The following GPC6 variants were observed in gnomAD, a reference collection of about 807,000 sequenced individuals.
GPC6 encodes the protein glypican 6, also known as glypican-6.
GPC6 carries 14 observed loss-of-function variants against 55.2 expected under a neutral mutation model. That is an observed-to-expected ratio of 0.25 (90% confidence interval 0.17 to 0.40). GPC6 has a LOEUF of 0.40. GPC6 is among the 10% of genes least tolerant of loss of function. GPC6 has a pLI of 1.00. For synonymous variants in GPC6, 278 were observed against 259.6 expected (o/e 1.07, Z -0.68); for missense variants, 641 against 708.5 (o/e 0.90, Z 1.08).
chr13:93,376,530 G>A (rs911260555), intron 1 of GPC6, among the ~76,000 whole-genome samples: 4 of 152,106 alleles, frequency 2.6e-5, no homozygotes, highest in South Asian at 2.1e-4. Flanking sequence ...CCTCTGTTTC[G>A]CTTTGGCTGT....
intron 3 of GPC6, among the ~76,000 whole-genome samples, chr13:93,874,935 C>T (rs1459713329): frequency 6.6e-6 from 1 of 151,980 alleles, no homozygotes; most frequent in Non-Finnish European, 1.5e-5. Flanking sequence ...ACTTCACTCC[C>T]TCTATCCTGA....
rs1876112810 is a variant in GPC6 at position 94,309,247 on chromosome 13, A to G, written c.1152+3124A>G. Among the ~76,000 whole-genome samples the G allele has an allele frequency of 2.6e-5, 4 of 152,318 alleles. No homozygotes were observed. The South Asian group carries it at 8.3e-4, about 32-fold the overall frequency. ...CAATCACCCCACCCCTTTTGCCAAA[A>G]TGAAAATAACTATAAAGCACTTGGA... is the stretch of plus-strand genomic sequence containing the variant. On this transcript the variant is annotated intron_variant, in intron 6 of 8. Coordinates refer to ENST00000377047, the MANE Select transcript of GPC6 (RefSeq NM_005708.5).
intron 1 of GPC6, among the ~76,000 whole-genome samples, chr13:93,345,745 C>T (rs778689990): frequency 6.6e-6 from 1 of 152,090 alleles, no homozygotes; most frequent in Non-Finnish European, 1.5e-5. Context: ...CACCACAAAA[C>T]TTTTAAAGAT....
At chr13:94,001,084 A>G (rs1881778525) in intron 3 of GPC6, among the ~76,000 whole-genome samples, 1 of 152,158 alleles carries the variant, frequency 6.6e-6, no homozygotes, top group Admixed American at 6.5e-5. Flanking sequence ...AAAATAGAGT[A>G]ATTGATTTAG....
intron 6 of GPC6, among the ~76,000 whole-genome samples, chr13:94,346,691 G>A (rs937931507): frequency 7.3e-5 from 11 of 149,966 alleles, no homozygotes; most frequent in Non-Finnish European, 1.3e-4. Flanking sequence ...ACTGCACTCC[G>A]GCCCGGGCAA....
intron 2 of GPC6, among the ~76,000 whole-genome samples, chr13:93,777,280 A>C (rs1400454073): frequency 6.6e-6 from 1 of 152,070 alleles, no homozygotes. Flanking sequence ...CTGTGTTCTT[A>C]TCTCTTCTAT....
intron 4 of GPC6, among the ~76,000 whole-genome samples, chr13:94,162,206 A>G (rs1361428496): frequency 1.3e-5 from 2 of 152,134 alleles, no homozygotes; most frequent in Non-Finnish European, 2.9e-5. Flanking sequence ...GTGAAGCTGG[A>G]TTCAGTGGCT....
intron 4 of GPC6, among the ~76,000 whole-genome samples, chr13:94,138,173 T>C (rs954837958): frequency 6.6e-6 from 1 of 152,184 alleles, no homozygotes; most frequent in Non-Finnish European, 1.5e-5. Context: ...TATTGGAGCA[T>C]TTTGGATTTC....
At chr13:93,369,221 T>C (rs1881366880) in intron 1 of GPC6, among the ~76,000 whole-genome samples, 1 of 152,084 alleles carries the variant, frequency 6.6e-6, no homozygotes, top group Non-Finnish European at 1.5e-5. Flanking sequence ...TATATATTAA[T>C]ATATTGATGA....
intron 2 of GPC6, among the ~76,000 whole-genome samples, chr13:93,643,603 C>G (rs947986223): frequency 6.6e-6 from 1 of 152,092 alleles, no homozygotes; most frequent in African/African-American, 2.4e-5. Flanking sequence ...AGCTCCCCAT[C>G]TCTAGTGACA....
intron 2 of GPC6, among the ~76,000 whole-genome samples, chr13:93,696,217 A>C (rs1207896622): frequency 6.6e-6 from 1 of 152,158 alleles, no homozygotes; most frequent in African/African-American, 2.4e-5. Context: ...AATTGTGGTA[A>C]ATGTGCTTGA....
intron 4 of GPC6, among the ~76,000 whole-genome samples, chr13:94,138,410 C>A (rs913066357): frequency 6.6e-6 from 1 of 152,146 alleles, no homozygotes; most frequent in African/African-American, 2.4e-5. Context: ...AACTTCCATT[C>A]CTGTAATCGT....
chr13:94,146,826 G>T (rs1441591966), intron 4 of GPC6, among the ~76,000 whole-genome samples: 1 of 152,144 alleles, frequency 6.6e-6, no homozygotes, highest in East Asian at 1.9e-4. Context: ...ATAACTTGGG[G>T]ATAAAATGAG....
At chr13:94,217,135 T>C in intron 4 of GPC6, among the ~76,000 whole-genome samples, 1 of 152,202 alleles carries the variant, frequency 6.6e-6, no homozygotes, top group East Asian at 1.9e-4. Context: ...AATTTTTCTA[T>C]TGAATGCAGT....
chr13:93,921,308 G>T (rs1877557297), intron 3 of GPC6, among the ~76,000 whole-genome samples: 1 of 152,180 alleles, frequency 6.6e-6, no homozygotes, highest in African/African-American at 2.4e-5. Flanking sequence ...TGAAGCCCCA[G>T]TGGGCATCTT....
chr13:94,184,174 G>C (rs1889093358), intron 4 of GPC6, among the ~76,000 whole-genome samples: 1 of 152,144 alleles, frequency 6.6e-6, no homozygotes, highest in African/African-American at 2.4e-5. Flanking sequence ...TCTAAAAATC[G>C]TAGAAGAAAA....
chr13:94,284,148 G>A (rs1223630444), intron 4 of GPC6, among the ~76,000 whole-genome samples: 2 of 152,130 alleles, frequency 1.3e-5, no homozygotes, highest in South Asian at 2.1e-4. Flanking sequence ...ATAGATGCAC[G>A]TGGCTGCTCA....
intron 3 of GPC6, among the ~76,000 whole-genome samples, chr13:94,012,916 A>T (rs1882304157): frequency 6.6e-6 from 1 of 152,204 alleles, no homozygotes; most frequent in African/African-American, 2.4e-5. Context: ...ATGAAGTAGT[A>T]TTTAAGCTGT....
intron 1 of GPC6, among the ~76,000 whole-genome samples, chr13:93,234,875 C>T (rs933609356): frequency 1.4e-4 from 21 of 152,104 alleles, no homozygotes; most frequent in African/African-American, 4.8e-4. Flanking sequence ...TTAACAGTAT[C>T]AGTGTCACTG....
Sources: gnomAD v4.1 joint callset for allele counts (sites outside exome capture counted in the v4.1 genomes callset) on GRCh38, gnomAD v4.1.1 for gene constraint, MANE v1.5 for transcripts, NCBI Gene and HGNC (gene_info 2026-07-23, HGNC 2026-07-21) for gene names.